The following SH3PXD2A variants were observed in gnomAD, a reference collection of about 807,000 sequenced individuals.
SH3PXD2A encodes SH3 and PX domains 2A.
Under a neutral mutation model 115.2 loss-of-function variants are expected in SH3PXD2A, and 32 were observed. That is an observed-to-expected ratio of 0.28 (90% CI 0.21 to 0.37). The LOEUF (loss-of-function observed/expected upper bound fraction) is 0.37. Among genes scored for constraint, SH3PXD2A ranks in the 10% least tolerant of loss-of-function variants. The pLI, the probability that SH3PXD2A is intolerant of heterozygous loss-of-function variation, is 1.00. For synonymous variants in SH3PXD2A, 610 were observed against 629.1 expected (o/e 0.97, Z 0.45); for missense variants, 1,328 against 1,498.7 (o/e 0.89, Z 1.88).
intron 2 of SH3PXD2A, among the ~76,000 whole-genome samples, chr10:103,769,181 T>TGTGTGCGCGC (rs1554921417): frequency 6.2e-5 from 7 of 113,004 alleles, no homozygotes; most frequent in African/African-American, 2.1e-4. Context: ...TGTGTGTGTG[T>TGTGTGCGCGC]GCGCGCGCGC....
At chr10:103,712,606 A>C (rs928229731) in intron 5 of SH3PXD2A, among the ~76,000 whole-genome samples, 2 of 152,232 alleles carry the variant, frequency 1.3e-5, no homozygotes, top group African/African-American at 2.4e-5. Flanking sequence ...CAGACTTGGC[A>C]GTCTCAGCAA....
chr10:103,736,732 T>A (rs2038384950), intron 3 of SH3PXD2A: 3 of 1,281,856 alleles, frequency 2.3e-6, no homozygotes, highest in Non-Finnish European at 3.1e-6. Flanking sequence ...TTATAGCACT[T>A]GTGACCCATT....
intron 5 of SH3PXD2A, among the ~76,000 whole-genome samples, chr10:103,710,898 C>A (rs749364886): frequency 6.6e-6 from 1 of 151,854 alleles, no homozygotes. Context: ...TAGTGGGGCA[C>A]GGTGGCATGT....
intron 1 of SH3PXD2A, among the ~76,000 whole-genome samples, chr10:103,805,874 A>G (rs1280598343): frequency 6.6e-6 from 1 of 152,230 alleles, no homozygotes; most frequent in Non-Finnish European, 1.5e-5. Context: ...AAAAACAAAA[A>G]TTGAAAATTC....
At chr10:103,717,305 G>A (rs894430267) in intron 5 of SH3PXD2A, among the ~76,000 whole-genome samples, 1 of 152,210 alleles carries the variant, frequency 6.6e-6, no homozygotes, top group African/African-American at 2.4e-5. Context: ...CCAGGTCCTG[G>A]GGGTCCAGAG....
intron 2 of SH3PXD2A, among the ~76,000 whole-genome samples, chr10:103,769,179 TGTGCGCGCGC>T (rs1232208197): frequency 2.8e-4 from 33 of 116,048 alleles, no homozygotes; most frequent in African/African-American, 9.9e-4. Context: ...TGTGTGTGTG[TGTGCGCGCGC>T]GCGCGCATTT....
intron 5 of SH3PXD2A, among the ~76,000 whole-genome samples, chr10:103,705,275 G>A (rs912485277): frequency 6.6e-6 from 1 of 152,212 alleles, no homozygotes; most frequent in African/African-American, 2.4e-5. Context: ...CCCAAAGTAT[G>A]GTGGCAAACA....
chr10:103,603,756 C>A lies in SH3PXD2A; in HGVS notation c.1462G>T (p.Val488Leu), dbSNP rs1036074765. 6.2e-7 allele frequency: 1 copy of A among 1,610,466 alleles called. No individual in the cohort carries two copies. Among genetic ancestry groups the A allele is most frequent in the Non-Finnish European group, 8.5e-7 (1 of 1,179,900 alleles). ...IDKNSGGWWY[V>L]QIGEKEGWAP... is the part of the protein sequence containing the mutation. Reference sequence around the variant, plus strand: ...CAGCCCTCCTTCTCACCGATCTGCACGTACCACCAGCCACCTGAGTTCTTA... The same window carrying A: ...CAGCCCTCCTTCTCACCGATCTGCAAGTACCACCAGCCACCTGAGTTCTTA... The change falls in exon 15 of 15, where the codon GTG becomes TTG. Residue 488 changes from valine (V) to leucine (L), a missense_variant. Coordinates refer to ENST00000369774, the MANE Select transcript of SH3PXD2A (RefSeq NM_001394015.1).
intron 4 of SH3PXD2A, among the ~76,000 whole-genome samples, chr10:103,735,328 G>C (rs1307519728): frequency 6.6e-6 from 1 of 152,206 alleles, no homozygotes; most frequent in Non-Finnish European, 1.5e-5. Flanking sequence ...TGATGCTAGT[G>C]AACTGATCCC....
At chr10:103,773,998 G>C (rs1237216682) in intron 2 of SH3PXD2A, among the ~76,000 whole-genome samples, 1 of 152,146 alleles carries the variant, frequency 6.6e-6, no homozygotes, top group African/African-American at 2.4e-5. Context: ...GCCTCCCAAA[G>C]TGCTGGGATT....
rs1172778790 is a variant in SH3PXD2A at position 103,841,864 on chromosome 10, C to T, written c.72+13331G>A. 2.6e-5 allele frequency among the ~76,000 whole-genome samples: 4 copies of T among 152,200 alleles called. No homozygotes were observed. In the East Asian group the frequency reaches 7.7e-4, roughly 29 times the overall value. On this transcript the variant is annotated intron_variant, in intron 1 of 14. Coordinates refer to ENST00000369774, the MANE Select transcript of SH3PXD2A (RefSeq NM_001394015.1). ...GCAAGGCCGGGTGCAGTGGCTCACG[C>T]CTGTAATCCCAGCACTCTGGGAGGC...
chr10:103,808,351 A>G (rs1205014255), intron 1 of SH3PXD2A, among the ~76,000 whole-genome samples: 2 of 151,764 alleles, frequency 1.3e-5, no homozygotes, highest in African/African-American at 4.8e-5. Flanking sequence ...TCCTGGGTTC[A>G]AGAGATTCTC....
intron 5 of SH3PXD2A, among the ~76,000 whole-genome samples, chr10:103,713,893 C>T (rs894923446): frequency 4.3e-4 from 66 of 152,202 alleles, no homozygotes; most frequent in African/African-American, 1.4e-3. Flanking sequence ...ATGCTATCCT[C>T]CCCCTTAGAC....
intron 5 of SH3PXD2A, among the ~76,000 whole-genome samples, chr10:103,698,992 C>T (rs1204369893): frequency 6.6e-6 from 1 of 152,054 alleles, no homozygotes; most frequent in Non-Finnish European, 1.5e-5. Context: ...CCAGGAAAGG[C>T]AAGGCTGAGC....
intron 2 of SH3PXD2A, among the ~76,000 whole-genome samples, chr10:103,799,565 G>A (rs1366609025): frequency 1.3e-5 from 2 of 152,260 alleles, no homozygotes; most frequent in African/African-American, 4.8e-5. Context: ...GGAGGTGGTG[G>A]TGGGGGAGCA....
At chr10:103,748,588 G>T (rs887665463) in intron 3 of SH3PXD2A, among the ~76,000 whole-genome samples, 1 of 152,226 alleles carries the variant, frequency 6.6e-6, no homozygotes, top group Non-Finnish European at 1.5e-5. Flanking sequence ...GCTGTCATAG[G>T]CACACGCAGG....
intron 3 of SH3PXD2A, among the ~76,000 whole-genome samples, chr10:103,742,805 G>A (rs1345972009): frequency 6.6e-6 from 1 of 152,186 alleles, no homozygotes; most frequent in Non-Finnish European, 1.5e-5. Context: ...GGCAAGCTGT[G>A]GGGACCTGAA....
intron 9 of SH3PXD2A, among the ~76,000 whole-genome samples, chr10:103,622,782 T>C (rs2036626970): frequency 6.6e-6 from 1 of 152,132 alleles, no homozygotes; most frequent in Non-Finnish European, 1.5e-5. Flanking sequence ...CTCCACAGCG[T>C]GTGCCCCTGA....
chr10:103,692,931 C>A lies in SH3PXD2A; in HGVS notation c.427+97G>T, dbSNP rs529646181. The A allele has an allele frequency of 1.3e-5, 13 of 986,828 alleles. 1 individual carries two copies. Among genetic ancestry groups the A allele is most frequent in the Non-Finnish European group, 1.7e-5 (11 of 634,098 alleles). 61.1% of individuals were successfully genotyped at this position (986,828 alleles called of 1,614,324 possible). ...AGGCTGGCGTGCAAGGACAACCCCC[C>A]CCTCCCCGCCCCCAAGAAGTCCTCT... On this transcript the variant is annotated intron_variant, in intron 6 of 14. Transcript: ENST00000369774.
Sources: gnomAD v4.1 joint callset for allele counts (sites outside exome capture counted in the v4.1 genomes callset) on GRCh38, gnomAD v4.1.1 for gene constraint, MANE v1.5 for transcripts, NCBI Gene and HGNC (gene_info 2026-07-23, HGNC 2026-07-21) for gene names.